SESN1: variants seen among roughly 807,000 people sequenced by gnomAD.
SESN1 encodes sestrin-1.
SESN1 carries 30 observed loss-of-function variants against 59.3 expected under a neutral mutation model. That is an observed-to-expected ratio of 0.51 (90% CI 0.38 to 0.69). The LOEUF (loss-of-function observed/expected upper bound fraction) is 0.69, where lower values mean the gene tolerates loss of function less well. Among genes scored for constraint, SESN1 ranks in the 30% least tolerant of loss-of-function variants. The pLI, the probability that SESN1 is intolerant of heterozygous loss-of-function variation, is 0.00. For missense variants in SESN1, 566 were observed against 673.0 expected (o/e 0.84, Z 1.76); for synonymous variants, 197 against 219.9 (o/e 0.90, Z 0.92).
In SESN1 at chr6:109,010,641, A is replaced by G. The variant is rs1321434993; in HGVS notation, c.280-8298T>C. Among the ~76,000 whole-genome samples the G allele has an allele frequency of 3.3e-5, 5 of 152,076 alleles. No homozygotes were observed. The South Asian group carries it at 6.2e-4, about 19-fold the overall frequency. On this transcript the variant is annotated intron_variant, in intron 1 of 9. Coordinates refer to ENST00000436639, the MANE Select transcript of SESN1 (RefSeq NM_014454.3). ...TGGCATGTCAAAATGGTTACTTTTT[A>G]TTTATCTCCTAATAAATAAGATAAA...
intron 1 of SESN1, among the ~76,000 whole-genome samples, chr6:109,047,777 G>A (rs1483940874): frequency 4.9e-5 from 7 of 143,306 alleles, no homozygotes; most frequent in African/African-American, 1.8e-4. Context: ...TTGGGATCCT[G>A]TTGATCTGTG....
chr6:108,998,287 G>A (rs564061415), intron 5 of SESN1, among the ~76,000 whole-genome samples: 5 of 152,012 alleles, frequency 3.3e-5, no homozygotes, highest in Non-Finnish European at 5.9e-5. Flanking sequence ...ACTCCTACAG[G>A]GTCTTAGAGT....
At chr6:109,031,249 A>C (rs1339821620) in intron 1 of SESN1, among the ~76,000 whole-genome samples, 1 of 152,184 alleles carries the variant, frequency 6.6e-6, no homozygotes, top group Admixed American at 6.5e-5. Context: ...AAAGTCAGTA[A>C]AAGTGATTAG....
At chr6:109,040,657 C>CT (rs34916346) in intron 1 of SESN1, among the ~76,000 whole-genome samples, 2,810 of 142,064 alleles carry the variant, frequency 0.02, 63 homozygotes, top group African/African-American at 0.056. Flanking sequence ...CTAGCATAAT[C>CT]TTTTTTTTTT....
At chr6:109,077,155 G>C (rs1370671282) in intron 1 of SESN1, among the ~76,000 whole-genome samples, 1 of 152,192 alleles carries the variant, frequency 6.6e-6, no homozygotes, top group African/African-American at 2.4e-5. Flanking sequence ...TATGCAGTCT[G>C]TTGTTGACTG....
At position 109,094,021 on chromosome 6, in the gene SESN1, GA is replaced by G; in HGVS notation, c.52del (p.Ser18GlnfsTer16). 1 of 1,614,154 alleles carries G rather than the reference GA, an allele frequency of 6.2e-7. No homozygotes were observed. Among genetic ancestry groups the G allele is most frequent in the Non-Finnish European group, 8.5e-7 (1 of 1,180,040 alleles). On this transcript the variant is annotated frameshift_variant, in exon 1 of 10. Transcript: ENST00000436639. LOFTEE classifies it high-confidence loss of function. ...VRWDGLCSRDSTTRETALENI... is the reference protein window; with the variant it reads ...VRWDGLCSRDXTTRETALENI... ...TTCCAATGCTGTCTCCCTAGTAGTTGAATCTCTGCTGCAGAGTCCATCCCAT... is the reference window on the plus strand; with the variant it reads ...TTCCAATGCTGTCTCCCTAGTAGTTGATCTCTGCTGCAGAGTCCATCCCAT...
intron 7 of SESN1, among the ~76,000 whole-genome samples, chr6:108,992,369 A>T (rs1422003577): frequency 6.6e-6 from 1 of 152,118 alleles, no homozygotes; most frequent in Non-Finnish European, 1.5e-5. Context: ...CACCTGCCTC[A>T]GCCTCCCAAG....
chr6:109,004,774 A>T (rs1263065866), intron 1 of SESN1, among the ~76,000 whole-genome samples: 1 of 152,324 alleles, frequency 6.6e-6, no homozygotes, highest in Non-Finnish European at 1.5e-5. Flanking sequence ...TTCAAGGAAA[A>T]GAAAATACAA....
At chr6:108,994,329 T>C (rs1415399157) in intron 6 of SESN1, 133 bp downstream of exon 6, 2 of 605,210 alleles carry the variant, frequency 3.3e-6, no homozygotes, top group Non-Finnish European at 5.2e-6. Flanking sequence ...TATTTGTAAA[T>C]AGGAATACCT....
chr6:109,004,870 C>A (rs1779700903), intron 1 of SESN1, among the ~76,000 whole-genome samples: 1 of 152,060 alleles, frequency 6.6e-6, no homozygotes, highest in African/African-American at 2.4e-5. Flanking sequence ...TGCTTAAGAT[C>A]AAAAAGTTTG....
In SESN1 at chr6:109,001,336, T is replaced by C; in HGVS notation, c.498A>G (p.Gln166=). Residue 166 remains glutamine (Q), a synonymous_variant, in exon 3 of 10, where the codon CAA becomes CAG. Transcript: ENST00000436639. ...AATGTAGGGGTAACGGCCCATCCAT[T>C]TGCAGTAGATAGTGCTGAGTTTTTA... ...SFLKTQHYLL[Q]MDGPLPLHYR... is the part of the protein sequence containing the mutation. The C allele has an allele frequency of 6.2e-7, 1 of 1,613,910 alleles. No homozygotes were observed. The highest frequency in any genetic ancestry group is 8.5e-7 in the Non-Finnish European group (1 of 1,179,802).
intron 8 of SESN1, among the ~76,000 whole-genome samples, chr6:108,989,554 T>G (rs1418292333): frequency 2.2e-4 from 23 of 104,602 alleles, no homozygotes; most frequent in African/African-American, 3.1e-4. Flanking sequence ...TCTCTAGATC[T>G]AGATCTCTAG....
chr6:109,002,218 G>A, intron 2 of SESN1, 60 bp downstream of exon 2: 1 of 1,440,380 alleles, frequency 6.9e-7, no homozygotes, highest in Non-Finnish European at 9.8e-7. Flanking sequence ...CAACATGTGG[G>A]TCATGAAAGC....
intron 1 of SESN1, among the ~76,000 whole-genome samples, chr6:109,068,384 A>G (rs1414482496): frequency 1.3e-5 from 2 of 152,238 alleles, no homozygotes; most frequent in Non-Finnish European, 2.9e-5. Flanking sequence ...AGAGTTATTG[A>G]AAGTTAAAAA....
At chr6:109,052,670 T>A (rs1331764106) in intron 1 of SESN1, among the ~76,000 whole-genome samples, 2 of 152,226 alleles carry the variant, frequency 1.3e-5, no homozygotes, top group Non-Finnish European at 2.9e-5. Flanking sequence ...AGGTTTTATA[T>A]AAGTTACTGG....
At chr6:109,000,747 C>A (rs1779603360) in intron 3 of SESN1, 74 bp from the exon 4 acceptor site, 1 of 1,179,478 alleles carries the variant, frequency 8.5e-7, no homozygotes, top group South Asian at 2.9e-5. Flanking sequence ...TTACAACATG[C>A]AAAAGAGCTA....
intron 1 of SESN1, among the ~76,000 whole-genome samples, chr6:109,042,784 A>G (rs1184139759): frequency 6.6e-6 from 1 of 152,092 alleles, no homozygotes; most frequent in South Asian, 2.1e-4. Context: ...CCAAACATTT[A>G]AAGAATTAAC....
At chr6:109,026,477 C>G (rs1028278859) in intron 1 of SESN1, among the ~76,000 whole-genome samples, 1 of 152,058 alleles carries the variant, frequency 6.6e-6, no homozygotes, top group Non-Finnish European at 1.5e-5. Flanking sequence ...AGTGGAATGG[C>G]TAAATCATAT....
At chr6:109,091,572 C>A (rs1781318783) in intron 1 of SESN1, among the ~76,000 whole-genome samples, 1 of 152,186 alleles carries the variant, frequency 6.6e-6, no homozygotes, top group African/African-American at 2.4e-5. Flanking sequence ...TTCCCTATGT[C>A]CGGAATGTCC....
Sources: gnomAD v4.1 joint callset for allele counts (sites outside exome capture counted in the v4.1 genomes callset) on GRCh38, gnomAD v4.1.1 for gene constraint, MANE v1.5 for transcripts, NCBI Gene and HGNC (gene_info 2026-07-23, HGNC 2026-07-21) for gene names.